The following RCC2 variants were observed in gnomAD, a reference collection of about 807,000 sequenced individuals.
The protein encoded by RCC2 is protein RCC2.
A neutral mutation model predicts 64.1 loss-of-function variants in RCC2; 19 were observed. The observed-to-expected ratio is 0.30, with a 90% CI of 0.21 to 0.44. The LOEUF (loss-of-function observed/expected upper bound fraction) is 0.44. Among genes scored for constraint, RCC2 ranks in the 20% least tolerant of loss-of-function variants. RCC2 has a pLI of 1.00. For synonymous variants in RCC2, 325 were observed against 279.6 expected (o/e 1.16, Z -1.62); for missense variants, 508 against 710.4 (o/e 0.72, Z 3.24).
intron 8 of RCC2, among the ~76,000 whole-genome samples, chr1:17,415,903 T>C (rs1456596833): frequency 6.6e-6 from 1 of 151,162 alleles, no homozygotes; most frequent in African/African-American, 2.4e-5. Flanking sequence ...ACCCTGTCTC[T>C]ACTGAAAATA....
At chr1:17,432,359 T>C (rs1303471252) in intron 2 of RCC2, among the ~76,000 whole-genome samples, 1 of 152,114 alleles carries the variant, frequency 6.6e-6, no homozygotes, top group Admixed American at 6.6e-5. Flanking sequence ...GGCCTCTGGG[T>C]CCTCTGCCCA....
chr1:17,419,867 ATGTGCG>A (rs771586681), intron 7 of RCC2, among the ~76,000 whole-genome samples: 14 of 152,222 alleles, frequency 9.2e-5, no homozygotes, highest in Non-Finnish European at 1.9e-4. Context: ...GAAATGTGAA[ATGTGCG>A]TAAGGGGCTG....
chr1:17,426,344 C>T (rs1350233155), intron 3 of RCC2, among the ~76,000 whole-genome samples: 1 of 152,172 alleles, frequency 6.6e-6, no homozygotes, highest in Non-Finnish European at 1.5e-5. Flanking sequence ...TCTCACCCGT[C>T]CAGTGTGACA....
rs1328289033 is a variant in RCC2, at chr1:17,408,224, T to A, written c.*866A>T. The A allele has an allele frequency of 6.6e-6, 1 of 152,308 alleles. No homozygotes were observed. Among genetic ancestry groups the A allele is most frequent in the Non-Finnish European group, 1.5e-5 (1 of 68,098 alleles). 9.4% of individuals were successfully genotyped at this position (152,308 alleles called of 1,614,324 possible). A position where few individuals can be genotyped will look rare whatever the true frequency, so the allele number is the denominator to read the frequency against. On this transcript the variant is annotated 3_prime_UTR_variant, in exon 13 of 13. Transcript: ENST00000375436. ...AAGGGCTGATCCTTCTTGCAAGGAC[T>A]GGAGAATGCACTTGACTGCTGGCTG... is the stretch of plus-strand genomic sequence containing the variant.
intron 7 of RCC2, among the ~76,000 whole-genome samples, chr1:17,417,078 G>A (rs1334692062): frequency 6.6e-6 from 1 of 152,148 alleles, no homozygotes; most frequent in African/African-American, 2.4e-5. Context: ...GGGACCACAA[G>A]GAGCCCCTAA....
At chr1:17,424,479 G>C (rs2075591315) in intron 4 of RCC2, among the ~76,000 whole-genome samples, 1 of 152,200 alleles carries the variant, frequency 6.6e-6, no homozygotes, top group Admixed American at 6.5e-5. Context: ...ACACATCTAT[G>C]CCAACCGGGA....
At chr1:17,425,947 C>T (rs35982108) in intron 3 of RCC2, among the ~76,000 whole-genome samples, 623 of 152,322 alleles carry the variant, frequency 4.1e-3, no homozygotes, top group Middle Eastern at 0.01. Flanking sequence ...CCCATTCGGC[C>T]CCAGCCCCCT....
At chr1:17,425,359 G>A (rs144396501) in intron 4 of RCC2, among the ~76,000 whole-genome samples, 182 bp downstream of exon 4, 1 of 152,276 alleles carries the variant, frequency 6.6e-6, no homozygotes, top group Non-Finnish European at 1.5e-5. Flanking sequence ...GGGGGAAGGG[G>A]ATCTGCATGT....
chr1:17,415,253 G>A (rs1205883190), intron 8 of RCC2, among the ~76,000 whole-genome samples: 1 of 152,096 alleles, frequency 6.6e-6, no homozygotes, highest in South Asian at 2.1e-4. Context: ...ATTCTTCATC[G>A]GCAAGAAGAT....
intron 2 of RCC2, among the ~76,000 whole-genome samples, chr1:17,431,478 G>A (rs1292234748): frequency 8.9e-6 from 1 of 112,130 alleles, no homozygotes; most frequent in African/African-American, 3.5e-5. Flanking sequence ...ACCAACCATG[G>A]TGACAAAGCC....
Position 17,438,306 on chromosome 1 carries a change from G to A in RCC2, c.209C>T (p.Ala70Val). ...DGAPGGGKRAARPATAGKAGG... is the reference protein window; with the variant it reads ...DGAPGGGKRAVRPATAGKAGG... ...CGCCTTGCCTGCTGTCGCCGGCCGC[G>A]CCGCGCGCTTGCCCCCGCCGGGGGC... The change falls in exon 2 of 13, where the codon GCG (alanine) becomes GTG (valine). Residue 70 changes from alanine (A) to valine (V), a missense_variant. Physicochemically the swap from Ala to Val is moderately conservative, Grantham distance 64. This residue lies in a region of RCC2 where 195 missense variants were observed against 158.3 expected (regional missense o/e 1.23). Transcript: ENST00000375436. 1 of 1,246,402 alleles carries A rather than the reference G, an allele frequency of 8.0e-7. No homozygotes were observed. Among genetic ancestry groups the A allele is most frequent in the Non-Finnish European group, 1.0e-6 (1 of 985,368 alleles). 77.2% of individuals were successfully genotyped at this position (1,246,402 alleles called of 1,614,324 possible). A position where few individuals can be genotyped will look rare whatever the true frequency, so the allele number is the denominator to read the frequency against.
intron 8 of RCC2, among the ~76,000 whole-genome samples, chr1:17,415,445 G>A (rs2100358854): frequency 6.6e-6 from 1 of 152,314 alleles, no homozygotes; most frequent in South Asian, 2.1e-4. Context: ...GGGCGCGGTG[G>A]CTCACACCTA....
chr1:17,429,583 G>C (rs2075652609), intron 2 of RCC2, among the ~76,000 whole-genome samples: 1 of 152,214 alleles, frequency 6.6e-6, no homozygotes, highest in South Asian at 2.1e-4. Flanking sequence ...CTAGGGCCAA[G>C]TCTCTATTTC....
At chr1:17,438,077 G>A (rs1011164412) in intron 2 of RCC2, among the ~76,000 whole-genome samples, 153 bp downstream of exon 2, 3 of 147,576 alleles carry the variant, frequency 2.0e-5, no homozygotes, top group Non-Finnish European at 4.5e-5. Flanking sequence ...CGCGGAGGCG[G>A]AGGCAATGAT....
intron 10 of RCC2, among the ~76,000 whole-genome samples, chr1:17,412,782 A>G (rs1337968137): frequency 2.0e-5 from 3 of 152,200 alleles, no homozygotes; most frequent in Non-Finnish European, 4.4e-5. Flanking sequence ...ATAATTTTCA[A>G]CCTGCAGCGT....
intron 2 of RCC2, among the ~76,000 whole-genome samples, chr1:17,432,899 A>G (rs944964281): frequency 1.1e-4 from 16 of 152,152 alleles, no homozygotes; most frequent in African/African-American, 3.9e-4. Flanking sequence ...CGGGGCTTGC[A>G]GTGAGCCGAG....
At position 17,413,206 on chromosome 1, in the gene RCC2, C is replaced by T. The variant is rs188228514; in HGVS notation, c.1208-28G>A. On this transcript the variant is annotated intron_variant, in intron 9 of 12. Transcript: ENST00000375436. ...AAGGGAAGACAAAACATGTTCCCAG[C>T]GTGACCAGACATCGAGAGCTGAGTC... 31 of 1,486,652 alleles carry T rather than the reference C, an allele frequency of 2.1e-5. No homozygotes were observed. The East Asian group carries it at 3.9e-4, about 19-fold the overall frequency. 92.1% of individuals were successfully genotyped at this position (1,486,652 alleles called of 1,614,324 possible).
intron 10 of RCC2, 75 bp downstream of exon 10, chr1:17,412,998 G>A: frequency 9.2e-7 from 1 of 1,087,436 alleles, no homozygotes; most frequent in East Asian, 2.4e-5. Context: ...CATCAGGGAG[G>A]GGCACCCCAT....
intron 7 of RCC2, among the ~76,000 whole-genome samples, chr1:17,418,530 G>A (rs543331129): frequency 1.3e-5 from 2 of 152,086 alleles, no homozygotes; most frequent in Admixed American, 6.5e-5. Flanking sequence ...GGTGGCGCAC[G>A]CCTGTAGTCC....
Sources: allele counts gnomAD v4.1 joint callset (sites outside exome capture counted in the v4.1 genomes callset), GRCh38; gene constraint gnomAD v4.1.1; regional missense constraint gnomAD v4.1.1; transcripts MANE v1.5; gene names NCBI Gene and HGNC (gene_info 2026-07-23, HGNC 2026-07-21).